ACLY: variants seen among roughly 807,000 people sequenced by gnomAD.
The protein encoded by ACLY is ATP-citrate synthase.
ACLY carries 41 observed loss-of-function variants against 133.0 expected under a neutral mutation model. The ratio of observed to expected loss-of-function variants is 0.31; its 90% confidence interval spans 0.24 to 0.40. The LOEUF is 0.40. Ranked by LOEUF, ACLY falls within the 10% of genes least tolerant of loss-of-function variation. The probability of loss-of-function intolerance (pLI) is 1.00; values close to 1 mark genes in which losing one functional copy is unlikely to be tolerated. For missense variants in ACLY, 1,046 were observed against 1,453.8 expected (o/e 0.72, Z 4.56); for synonymous variants, 495 against 549.3 (o/e 0.90, Z 1.38).
chr17:41,894,376 CAAAAAAAAAAAAA>C (rs11351286), intron 14 of ACLY, among the ~76,000 whole-genome samples: 3 of 59,952 alleles, frequency 5.0e-5, no homozygotes, highest in Non-Finnish European at 8.9e-5. Flanking sequence ...GACCCTGTCT[CAAAAAAAAAAAAA>C]AAAAAAAAAA....
At chr17:41,919,151 C>G (rs899067966), upstream of ACLY, 3 of 1,043,274 alleles carry the variant, frequency 2.9e-6, 1 homozygote, top group Non-Finnish European at 3.7e-6. Flanking sequence ...CTTGTAGTCC[C>G]GCTGGCCCAT....
intron 16 of ACLY, among the ~76,000 whole-genome samples, chr17:41,889,664 T>C (rs910624339): frequency 1.3e-5 from 2 of 150,674 alleles, no homozygotes; most frequent in Non-Finnish European, 2.9e-5. Context: ...GATCAGATGA[T>C]AATTTTCAAC....
chr17:41,892,339 G>C lies in ACLY; in HGVS notation c.1710C>G (p.Ile570Met). Residue 570 changes from isoleucine to methionine, a missense_variant, in exon 16 of 29, where the codon ATC becomes ATG. By Grantham distance (10) the Ile-to-Met change is conservative (BLOSUM62 1). This residue lies in a region of ACLY where 575 missense variants were observed against 804.2 expected (regional missense o/e 0.71). Transcript: ENST00000352035. ...AGGCAGAGCGGAGAGAGGCAAAGTTGATGAGCACATCTACCTCCGGATGCT... is the reference window on the plus strand; with the variant it reads ...AGGCAGAGCGGAGAGAGGCAAAGTTCATGAGCACATCTACCTCCGGATGCT... The part of the protein sequence containing the change: ...MRKHPEVDVL[I>M]NFASLRSAYD... 6.2e-7 allele frequency: 1 copy of C among 1,610,116 alleles called. No individual in the cohort carries two copies. Among genetic ancestry groups the C allele is most frequent in the South Asian group, 1.1e-5 (1 of 91,018 alleles).
At chr17:41,911,501 T>C (rs1555633639) in intron 3 of ACLY, among the ~76,000 whole-genome samples, 1 of 152,234 alleles carries the variant, frequency 6.6e-6, no homozygotes, top group Non-Finnish European at 1.5e-5. Context: ...GTGGTTGAAA[T>C]TCATCACCAA....
intron 14 of ACLY, among the ~76,000 whole-genome samples, chr17:41,895,225 G>A (rs1555630115): frequency 6.6e-6 from 1 of 152,194 alleles, no homozygotes; most frequent in African/African-American, 2.4e-5. Context: ...GAATATAAGT[G>A]TGAGTTCATG....
Position 41,876,157 on chromosome 17 carries a change from G to A in ACLY, c.2487+1946C>T, listed in dbSNP as rs1379398047. ...GCCCGGCAGCCGCCCCATCTGAGAA[G>A]TGAGGAGCCCCTCCGCCCGGCAGCC... On this transcript the variant is annotated intron_variant, in intron 22 of 28. Transcript: ENST00000352035. Among the ~76,000 whole-genome samples, 5 of 151,948 alleles carry A rather than the reference G, an allele frequency of 3.3e-5. No homozygotes were observed. In the East Asian group the frequency reaches 9.6e-4, roughly 29 times the overall value.
At chr17:41,925,992 G>A (rs1307875672) in intron 1 of ACLY, among the ~76,000 whole-genome samples, 1 of 151,698 alleles carries the variant, frequency 6.6e-6, no homozygotes, top group Non-Finnish European at 1.5e-5. Context: ...TTACAGGTGT[G>A]TGCCACCACA....
chr17:41,876,080 A>AG (rs199850677), intron 22 of ACLY, among the ~76,000 whole-genome samples: 1,260 of 122,060 alleles, frequency 0.01, 11 homozygotes, highest in Middle Eastern at 0.038. Context: ...TGTGGGGATG[A>AG]GGAGATCCTC....
intron 22 of ACLY, among the ~76,000 whole-genome samples, chr17:41,876,056 C>G (rs1441802774): frequency 1.1e-4 from 16 of 150,952 alleles, no homozygotes; most frequent in African/African-American, 3.9e-4. Context: ...TGCCCGGCCG[C>G]CCATCGTCTG....
chr17:41,905,453 G>C lies in ACLY; in HGVS notation c.1003+69C>G, dbSNP rs962164861. On this transcript the variant is annotated intron_variant, in intron 9 of 28. Coordinates refer to ENST00000352035, the MANE Select transcript of ACLY (RefSeq NM_001096.3). The stretch of plus-strand genomic sequence containing the variant: ...CCTTGGTGACTCCTCAGACGAAGCT[G>C]TCCCATTGCAGCCTGCTGGGCTGTC... 3.8e-6 allele frequency: 6 copies of C among 1,598,658 alleles called. No individual in the cohort carries two copies. In the African/African-American group the frequency reaches 8.0e-5, roughly 21 times the overall value.
intron 14 of ACLY, among the ~76,000 whole-genome samples, chr17:41,894,564 A>C (rs371136851): frequency 6.6e-6 from 1 of 151,864 alleles, no homozygotes; most frequent in Non-Finnish European, 1.5e-5. Context: ...TCAAAAAAAA[A>C]AACAACAAAG....
chr17:41,882,389 A>AAAAAAAAAAAAAAAAAAAAAC, intron 20 of ACLY, among the ~76,000 whole-genome samples: 1 of 149,034 alleles, frequency 6.7e-6, no homozygotes, highest in Non-Finnish European at 1.5e-5. Flanking sequence ...AAAAAAAAAA[A>AAAAAAAAAAAAAAAAAAAAAC]AAAAAAAAGT....
In ACLY at chr17:41,876,271, C is replaced by T. The variant is rs782081527; in HGVS notation, c.2487+1832G>A. The stretch of plus-strand genomic sequence containing the variant: ...GGTCAGCCCCCCGCCCGGCCAGCCG[C>T]CCCGTCCGGGAGGGAGGTGGGGGGG... On this transcript the variant is annotated intron_variant, in intron 22 of 28. Coordinates refer to ENST00000352035, the MANE Select transcript of ACLY (RefSeq NM_001096.3). Among the ~76,000 whole-genome samples the T allele has an allele frequency of 1.7e-3, 256 of 151,196 alleles. 1 individual carries two copies. Among genetic ancestry groups the T allele is most frequent in the South Asian group, 0.01 (50 of 4,816 alleles).
At chr17:41,900,600 C>G (rs542414734) in intron 11 of ACLY, among the ~76,000 whole-genome samples, 349 of 151,768 alleles carry the variant, frequency 2.3e-3, no homozygotes, top group Non-Finnish European at 3.1e-3. Flanking sequence ...TGGTGCACAC[C>G]CGTGGTCCCC....
chr17:41,891,288 C>T lies in ACLY; in HGVS notation c.1770+991G>A, dbSNP rs554662383. 2.1e-4 allele frequency among the ~76,000 whole-genome samples: 32 copies of T among 152,284 alleles called. 2 individuals are homozygous for T. The South Asian group carries it at 5.0e-3, about 24-fold the overall frequency. On this transcript the variant is annotated intron_variant, in intron 16 of 28. Coordinates refer to ENST00000352035, the MANE Select transcript of ACLY (RefSeq NM_001096.3). ...AAACAATACCCCCGCCTCTGCCGCC[C>T]AACAAACACAAGCCATGGCATCCAG...
intron 11 of ACLY, 94 bp from the exon 12 acceptor site, chr17:41,898,879 C>G (rs2049446310): frequency 7.8e-7 from 1 of 1,283,920 alleles, no homozygotes. Context: ...CAGCCATGAT[C>G]AGTGTTTGGC....
upstream of ACLY, among the ~76,000 whole-genome samples, chr17:41,920,242 G>T (rs1555635269): frequency 2.6e-5 from 4 of 152,084 alleles, no homozygotes; most frequent in East Asian, 1.9e-4. Context: ...GTCACTTTCT[G>T]GTCCCTTCCC....
intron 1 of ACLY, among the ~76,000 whole-genome samples, chr17:41,917,325 T>G (rs1199832221): frequency 6.6e-6 from 1 of 152,114 alleles, no homozygotes; most frequent in Non-Finnish European, 1.5e-5. Flanking sequence ...TGGTAACAGC[T>G]AAATGTGTAA....
At chr17:41,880,822 C>G (rs1195195405) in intron 20 of ACLY, among the ~76,000 whole-genome samples, 1 of 151,478 alleles carries the variant, frequency 6.6e-6, no homozygotes, top group Non-Finnish European at 1.5e-5. Context: ...GCCGAGACTG[C>G]ACCACTGCAC....
Sources: allele counts gnomAD v4.1 joint callset (sites outside exome capture counted in the v4.1 genomes callset), GRCh38; gene constraint gnomAD v4.1.1; regional missense constraint gnomAD v4.1.1; transcripts MANE v1.5; gene names NCBI Gene and HGNC (gene_info 2026-07-23, HGNC 2026-07-21).